DLC1: variants seen among roughly 807,000 people sequenced by gnomAD.
DLC1 encodes the protein DLC1 Rho GTPase activating protein, also known as rho GTPase-activating protein 7.
DLC1 carries 54 observed loss-of-function variants against 140.3 expected under a neutral mutation model. The observed-to-expected ratio is 0.38, with a 90% CI of 0.31 to 0.48. The LOEUF (loss-of-function observed/expected upper bound fraction) is 0.48. Among genes scored for constraint, DLC1 ranks in the 20% least tolerant of loss-of-function variants. DLC1 has a pLI of 0.96. For synonymous variants in DLC1, 986 were observed against 728.1 expected, an observed-to-expected ratio of 1.35 and a Z score of -5.70; for missense variants, 2,536 against 1,907.0, an observed-to-expected ratio of 1.33 and a Z score of -6.14.
At chr8:13,397,778 G>T (rs529440881) in intron 3 of DLC1, among the ~76,000 whole-genome samples, 1 of 152,216 alleles carries the variant, frequency 6.6e-6, no homozygotes, top group South Asian at 2.1e-4. Flanking sequence ...TGAGGCCACA[G>T]TGAGTTATTG....
At chr8:13,284,509 AGAGCAAGATTCCGTCT>A (rs909403300) in intron 5 of DLC1, among the ~76,000 whole-genome samples, 1 of 152,196 alleles carries the variant, frequency 6.6e-6, no homozygotes, top group Admixed American at 6.5e-5. Context: ...CCTGGGTGAC[AGAGCAAGATTCCGTCT>A]GAAAAAAAAG....
chr8:13,524,992 G>C (rs1476404228), intron 1 of DLC1, among the ~76,000 whole-genome samples: 5 of 151,754 alleles, frequency 3.3e-5, no homozygotes, highest in Non-Finnish European at 1.5e-5. Context: ...TCTCCCTCTT[G>C]CTCCTTTCTC....
rs542466426 is a variant in DLC1, at chr8:13,085,667, A to G, written c.*144T>C. ...AAACAGGAAGCAGCTTTAAAAATGT[A>G]TCAAATTGCTATAGTCAATTCCTAC... On this transcript the variant is annotated 3_prime_UTR_variant, in exon 18 of 18. Coordinates refer to ENST00000276297, the MANE Select transcript of DLC1 (RefSeq NM_182643.3). 7.8e-7 allele frequency: 1 copy of G among 1,283,218 alleles called. No individual in the cohort carries two copies. The highest frequency in any genetic ancestry group is 2.4e-5 in the East Asian group (1 of 42,134). The allele number at this position is 1,283,218 out of a possible 1,614,324, so 79.5% of individuals were successfully genotyped here. A position where few individuals can be genotyped will look rare whatever the true frequency, so the allele number is the denominator to read the frequency against.
chr8:13,172,894 C>T (rs1236853318), intron 5 of DLC1, among the ~76,000 whole-genome samples: 1 of 152,166 alleles, frequency 6.6e-6, no homozygotes, highest in Non-Finnish European at 1.5e-5. Flanking sequence ...ATTTCTGCTG[C>T]GTCTCCATCT....
At chr8:13,242,978 C>T (rs1829605833) in intron 5 of DLC1, among the ~76,000 whole-genome samples, 1 of 151,764 alleles carries the variant, frequency 6.6e-6, no homozygotes, top group Admixed American at 6.6e-5. Context: ...GGTGGATTTC[C>T]CCCTTGTTGT....
chr8:13,121,357 T>G (rs1156813601), intron 5 of DLC1, among the ~76,000 whole-genome samples: 1 of 152,140 alleles, frequency 6.6e-6, no homozygotes, highest in African/African-American at 2.4e-5. Flanking sequence ...GACATCAAGG[T>G]GACCAATTTG....
intron 1 of DLC1, among the ~76,000 whole-genome samples, chr8:13,534,382 C>T (rs1020626225): frequency 1.3e-5 from 2 of 152,100 alleles, no homozygotes; most frequent in African/African-American, 4.8e-5. Context: ...ACACACCCCT[C>T]GCTAACTGTA....
chr8:13,457,088 G>A (rs1189561182), intron 2 of DLC1, among the ~76,000 whole-genome samples: 1 of 152,018 alleles, frequency 6.6e-6, no homozygotes, highest in African/African-American at 2.4e-5. Flanking sequence ...TCCCTGGGTC[G>A]GCCTTTTGGT....
At chr8:13,564,324 A>G (rs1460103464) in intron 1 of DLC1, among the ~76,000 whole-genome samples, 2 of 152,206 alleles carry the variant, frequency 1.3e-5, no homozygotes, top group Non-Finnish European at 2.9e-5. Flanking sequence ...GTGATATACG[A>G]TTCTTTCCTT....
intron 1 of DLC1, among the ~76,000 whole-genome samples, chr8:13,510,096 C>G (rs75680078): frequency 0.01 from 1,581 of 151,976 alleles, 27 homozygotes; most frequent in African/African-American, 0.035. Flanking sequence ...GAAACTATCT[C>G]TTCTATGTCC....
At position 13,098,580 on chromosome 8, in the gene DLC1, G is replaced by T. The variant is rs78170437; in HGVS notation, c.2991-5C>A. On this transcript the variant is annotated splice_region_variant and splice_polypyrimidine_tract_variant and intron_variant, in intron 9 of 17. Coordinates refer to ENST00000276297, the MANE Select transcript of DLC1 (RefSeq NM_182643.3). ...CTGTGCCATCTCAGTCGGTGCCTGC[G>T]AGAGAAGAGGAGAGGAAAATGAGTG... is the stretch of plus-strand genomic sequence containing the variant. 1.3e-4 allele frequency: 217 copies of T among 1,610,566 alleles called. No individual in the cohort carries two copies. The highest frequency in any genetic ancestry group is 1.8e-4 in the Non-Finnish European group (213 of 1,178,656).
chr8:13,301,185 T>C (rs1412630280), intron 5 of DLC1, among the ~76,000 whole-genome samples: 2 of 151,346 alleles, frequency 1.3e-5, no homozygotes, highest in South Asian at 4.2e-4. Context: ...GAAAATCAAA[T>C]GTTACCTGTT....
intron 5 of DLC1, among the ~76,000 whole-genome samples, chr8:13,157,700 A>G (rs1167411067): frequency 2.6e-5 from 4 of 152,222 alleles, no homozygotes; most frequent in African/African-American, 9.6e-5. Flanking sequence ...TTTAAATGCT[A>G]ACAGGGTGGC....
At chr8:13,526,938 A>G (rs921313158) in intron 1 of DLC1, among the ~76,000 whole-genome samples, 1 of 152,228 alleles carries the variant, frequency 6.6e-6, no homozygotes, top group Admixed American at 6.5e-5. Flanking sequence ...AAAAGTTTTC[A>G]TAAAAAAATT....
At chr8:13,086,492 G>C in intron 16 of DLC1, 29 bp from the exon 17 acceptor site, 1 of 1,601,980 alleles carries the variant, frequency 6.2e-7, no homozygotes, top group Non-Finnish European at 8.5e-7. Context: ...AGGCAGAAAT[G>C]ATGGAATTTC....
chr8:13,255,102 C>T (rs1248908085), intron 5 of DLC1, among the ~76,000 whole-genome samples: 2 of 151,894 alleles, frequency 1.3e-5, no homozygotes, highest in Non-Finnish European at 2.9e-5. Flanking sequence ...TCAGCCTCCC[C>T]AGTAGCTGGG....
At chr8:13,451,572 G>C (rs554870352) in intron 2 of DLC1, among the ~76,000 whole-genome samples, 1 of 152,112 alleles carries the variant, frequency 6.6e-6, no homozygotes, top group South Asian at 2.1e-4. Flanking sequence ...CCATGAATTC[G>C]ATGGCTTTGA....
intron 4 of DLC1, among the ~76,000 whole-genome samples, chr8:13,383,520 G>C (rs1319330020): frequency 2.0e-5 from 3 of 152,188 alleles, no homozygotes; most frequent in Non-Finnish European, 4.4e-5. Flanking sequence ...GAGCAGGCTA[G>C]TGCTTTTGCT....
At chr8:13,282,789 G>T (rs577829160) in intron 5 of DLC1, among the ~76,000 whole-genome samples, 1 of 152,092 alleles carries the variant, frequency 6.6e-6, no homozygotes, top group African/African-American at 2.4e-5. Context: ...TTAAAATTGT[G>T]GTTATTGCAA....
Sources: gnomAD v4.1 joint callset for allele counts (sites outside exome capture counted in the v4.1 genomes callset) on GRCh38, gnomAD v4.1.1 for gene constraint, MANE v1.5 for transcripts, NCBI Gene and HGNC (gene_info 2026-07-23, HGNC 2026-07-21) for gene names.